Variants in ACSS3 observed in about 807,000 individuals in gnomAD.
The protein encoded by ACSS3 is acyl-CoA synthetase short-chain family member 3, mitochondrial.
Under a neutral mutation model 84.2 loss-of-function variants are expected in ACSS3, and 64 were observed. The observed-to-expected ratio is 0.76, with a 90% CI of 0.62 to 0.94. The LOEUF (loss-of-function observed/expected upper bound fraction) is 0.94, where lower values mean the gene tolerates loss of function less well. Among genes scored for constraint, ACSS3 ranks in the 40% least tolerant of loss-of-function variants. The probability of loss-of-function intolerance (pLI) is 0.00; values close to 1 mark genes in which losing one functional copy is unlikely to be tolerated. For synonymous variants in ACSS3, 317 were observed against 310.1 expected (o/e 1.02, Z -0.23); for missense variants, 815 against 867.6 (o/e 0.94, Z 0.76).
intron 13 of ACSS3, among the ~76,000 whole-genome samples, chr12:81,235,755 CTT>C (rs1025325141): frequency 9.3e-5 from 14 of 151,168 alleles, no homozygotes; most frequent in African/African-American, 3.4e-4. Flanking sequence ...TTTTTAAAAA[CTT>C]TGGTTTGAAA....
chr12:81,160,062 T>TTAC (rs1887073227), intron 7 of ACSS3, among the ~76,000 whole-genome samples: 1 of 152,220 alleles, frequency 6.6e-6, no homozygotes, highest in Non-Finnish European at 1.5e-5. Context: ...AGAAATGAGA[T>TTAC]TACTGTTCCT....
At chr12:81,146,821 T>C (rs1886363324) in intron 5 of ACSS3, among the ~76,000 whole-genome samples, 1 of 152,172 alleles carries the variant, frequency 6.6e-6, no homozygotes, top group South Asian at 2.1e-4. Context: ...GTGATTATAA[T>C]ATTTATCTTG....
chr12:81,226,025 G>A lies in ACSS3; in HGVS notation c.1515-5032G>A, dbSNP rs537132945. ...CTGACATATACATCTCCTTCCAATC[G>A]CCACAAATTTTAAAAAGTATAGTCT... On this transcript the variant is annotated intron_variant, in intron 11 of 15. Transcript: ENST00000548058. Among the ~76,000 whole-genome samples, 5 of 151,622 alleles carry A rather than the reference G, an allele frequency of 3.3e-5. No homozygotes were observed. In the East Asian group the frequency reaches 7.8e-4, roughly 24 times the overall value.
At chr12:81,213,320 T>C (rs770937694) in intron 9 of ACSS3, among the ~76,000 whole-genome samples, 1 of 152,112 alleles carries the variant, frequency 6.6e-6, no homozygotes, top group Non-Finnish European at 1.5e-5. Flanking sequence ...GTTTATCTTG[T>C]CTGTGTGCAT....
intron 10 of ACSS3, among the ~76,000 whole-genome samples, chr12:81,217,282 G>C (rs1334513594): frequency 2.0e-5 from 3 of 152,132 alleles, no homozygotes; most frequent in Admixed American, 6.5e-5. Flanking sequence ...TGGGAGCCCA[G>C]TACTTTATAT....
At position 81,138,072 on chromosome 12, in the gene ACSS3, C is replaced by G. The variant is rs374614157; in HGVS notation, c.646-1059C>G. 2.6e-5 allele frequency among the ~76,000 whole-genome samples: 4 copies of G among 152,136 alleles called. No homozygotes were observed. In the East Asian group the frequency reaches 7.8e-4, roughly 29 times the overall value. ...ATACTATATATGCATATATTTAGCA[C>G]AGTATAAACCTTTCCTAGATGAAAT... On this transcript the variant is annotated intron_variant, in intron 3 of 15. Transcript: ENST00000548058.
In ACSS3 at chr12:81,253,651, T is replaced by A. The variant is rs1186341734; in HGVS notation, c.1976T>A (p.Val659Asp). ...KIPRSALSAI[V>D]NGKPYKITST... Reference sequence around the variant, plus strand: ...CCCCGATCAGCTTTATCTGCCATTGTCAATGGCAAGCCATACAAGGTAAAT... The same window carrying A: ...CCCCGATCAGCTTTATCTGCCATTGACAATGGCAAGCCATACAAGGTAAAT... Residue 659 changes from valine to aspartate, a missense_variant, in exon 15 of 16, where the codon GTC (valine) becomes GAC (aspartate). Val to Asp is a radical substitution (Grantham distance 152). Coordinates refer to ENST00000548058, the MANE Select transcript of ACSS3 (RefSeq NM_024560.4). 1 of 1,613,452 alleles carries A rather than the reference T, an allele frequency of 6.2e-7. No individual in the cohort carries two copies. The highest frequency in any genetic ancestry group is 2.2e-5 in the East Asian group (1 of 44,846).
At chr12:81,213,881 T>C (rs2032759293) in intron 9 of ACSS3, among the ~76,000 whole-genome samples, 1 of 114,428 alleles carries the variant, frequency 8.7e-6, no homozygotes, top group African/African-American at 3.0e-5. Flanking sequence ...TCTTTCTTTC[T>C]TTCCTTTCTT....
chr12:81,111,081 A>T (rs1185675305), intron 2 of ACSS3, among the ~76,000 whole-genome samples: 1 of 152,188 alleles, frequency 6.6e-6, no homozygotes, highest in East Asian at 1.9e-4. Flanking sequence ...TAGGCTGGGT[A>T]TCAGCCTGGT....
intron 1 of ACSS3, among the ~76,000 whole-genome samples, chr12:81,083,649 C>T (rs569975618): frequency 1.3e-4 from 19 of 151,974 alleles, no homozygotes; most frequent in Admixed American, 5.9e-4. Context: ...CATGAGCCAC[C>T]GTGCCTGGCC....
chr12:81,244,905 C>CTGTGTGTGTGTGTG (rs146316314), intron 13 of ACSS3, among the ~76,000 whole-genome samples: 1 of 148,158 alleles, frequency 6.7e-6, no homozygotes, highest in Admixed American at 6.7e-5. Context: ...TCTATTCAAA[C>CTGTGTGTGTGTGTG]TGTGTGTGTG....
rs146190382 is a variant in ACSS3 at position 81,222,765 on chromosome 12, T to A, written c.1514+2689T>A. ...CCCCTTGACTAGAAGTTGGCCATTTTAGCACTTCCTAAACTACTATAGGTC... is the reference window on the plus strand; with the variant it reads ...CCCCTTGACTAGAAGTTGGCCATTTAAGCACTTCCTAAACTACTATAGGTC... On this transcript the variant is annotated intron_variant, in intron 11 of 15. Transcript: ENST00000548058. Among the ~76,000 whole-genome samples the A allele has an allele frequency of 2.0e-3, 300 of 152,134 alleles. 2 individuals are homozygous for A. Among genetic ancestry groups the A allele is most frequent in the African/African-American group, 6.7e-3 (280 of 41,512 alleles).
intron 9 of ACSS3, 63 bp from the exon 10 acceptor site, chr12:81,216,838 A>G: frequency 1.4e-6 from 2 of 1,408,502 alleles, no homozygotes; most frequent in South Asian, 2.3e-5. Flanking sequence ...GTGTGCATGT[A>G]CTCAAGAAAC....
rs181126668 is a variant in ACSS3 at position 81,255,920 on chromosome 12, C to T, written c.*998C>T. On this transcript the variant is annotated 3_prime_UTR_variant, in exon 16 of 16. Transcript: ENST00000548058. ...CTTCATGTCTCAGGTTCTTAGTTGA[C>T]TATGTTTATCCAAATGATTCCAGAT... The T allele has an allele frequency of 6.6e-6, 1 of 152,286 alleles. No homozygotes were observed. The highest frequency in any genetic ancestry group is 1.5e-5 in the Non-Finnish European group (1 of 68,040). 9.4% of individuals were successfully genotyped at this position (152,286 alleles called of 1,614,324 possible). A position where few individuals can be genotyped will look rare whatever the true frequency, so the allele number is the denominator to read the frequency against.
intron 9 of ACSS3, among the ~76,000 whole-genome samples, chr12:81,211,504 A>G (rs553888893): frequency 4.2e-4 from 64 of 152,176 alleles, no homozygotes; most frequent in Non-Finnish European, 8.4e-4. Flanking sequence ...CTACCCACAC[A>G]GTCTGTCTGT....
At chr12:81,155,251 C>CG (rs1886806501) in intron 7 of ACSS3, among the ~76,000 whole-genome samples, 1 of 152,120 alleles carries the variant, frequency 6.6e-6, no homozygotes, top group African/African-American at 2.4e-5. Context: ...CACTTTGGTC[C>CG]TTAACATTAG....
At chr12:81,234,630 G>A (rs972507273) in intron 13 of ACSS3, among the ~76,000 whole-genome samples, 1 of 151,166 alleles carries the variant, frequency 6.6e-6, no homozygotes, top group African/African-American at 2.4e-5. Flanking sequence ...CATGTGATTT[G>A]CATTTCTGTA....
At chr12:81,254,666 G>A (rs2034251457) in intron 15 of ACSS3, among the ~76,000 whole-genome samples, 191 bp from the exon 16 acceptor site, 1 of 152,044 alleles carries the variant, frequency 6.6e-6, no homozygotes, top group African/African-American at 2.4e-5. Context: ...TAACTGAACT[G>A]TTTATTTTTT....
chr12:81,231,392 G>T (rs547198308), intron 12 of ACSS3, among the ~76,000 whole-genome samples: 1 of 151,824 alleles, frequency 6.6e-6, no homozygotes, highest in East Asian at 2.0e-4. Flanking sequence ...GAATTTAATA[G>T]TCTTCAGTAT....
Sources: gnomAD v4.1 joint callset for allele counts (sites outside exome capture counted in the v4.1 genomes callset) on GRCh38, gnomAD v4.1.1 for gene constraint, MANE v1.5 for transcripts, NCBI Gene and HGNC (gene_info 2026-07-23, HGNC 2026-07-21) for gene names.